Variants in LPIN3 observed in about 807,000 individuals in gnomAD.
The protein encoded by LPIN3 is lipin 3.
LPIN3 carries 82 observed loss-of-function variants against 94.7 expected under a neutral mutation model. The observed-to-expected ratio is 0.87, with a 90% confidence interval of 0.72 to 1.04. The LOEUF is 1.04. LPIN3 is among the 50% of genes least tolerant of loss of function. The probability of loss-of-function intolerance (pLI) is 0.00; values close to 1 mark genes in which losing one functional copy is unlikely to be tolerated. For missense variants in LPIN3, 996 were observed against 1,090.5 expected, an observed-to-expected ratio of 0.91 and a Z score of 1.22; for synonymous variants, 418 against 443.3, an observed-to-expected ratio of 0.94 and a Z score of 0.72.
At position 41,357,912 on chromosome 20, in the gene LPIN3, G is replaced by GCGGGC; in HGVS notation, c.2072_2076dup (p.Ile693GlyfsTer16). On this transcript the variant is annotated frameshift_variant, in exon 17 of 20. Coordinates refer to ENST00000373257, the MANE Select transcript of LPIN3 (RefSeq NM_022896.3). LOFTEE classifies it high-confidence loss of function. Reference sequence around the variant, plus strand: ...GGTACAAGTTCCTGTACTGCTCGGCGCGGGCCATTGGCATGGCGGACCTCA... The same window carrying GCGGGC: ...GGTACAAGTTCCTGTACTGCTCGGCGCGGGCCGGGCCATTGGCATGGCGGACCTCA... 1 of 1,614,128 alleles carries GCGGGC rather than the reference G, an allele frequency of 6.2e-7. No individual in the cohort carries two copies. Among genetic ancestry groups the GCGGGC allele is most frequent in the South Asian group, 1.1e-5 (1 of 91,088 alleles).
At chr20:41,358,581 C>T (rs372898101) in intron 19 of LPIN3, 39 bp downstream of exon 19, 667 of 1,608,508 alleles carry the variant, frequency 4.1e-4, no homozygotes, top group Non-Finnish European at 5.4e-4. Context: ...TGCCCTACCA[C>T]GTCCCCCTGC....
intron 3 of LPIN3, 41 bp downstream of exon 3, chr20:41,347,688 T>C (rs1265047043): frequency 2.6e-6 from 4 of 1,534,220 alleles, no homozygotes; most frequent in Non-Finnish European, 3.6e-6. Flanking sequence ...CGCCCACCCC[T>C]TTCCTGTGCC....
intron 1 of LPIN3, 100 bp downstream of exon 1, chr20:41,341,102 G>T (rs1052041636): frequency 4.6e-5 from 7 of 152,208 alleles, no homozygotes; most frequent in Non-Finnish European, 7.3e-5. Context: ...CCGCGGGCCT[G>T]GGTCCACCCC....
At chr20:41,350,832 T>C (rs1414420632) in intron 7 of LPIN3, among the ~76,000 whole-genome samples, 5 of 152,002 alleles carry the variant, frequency 3.3e-5, no homozygotes, top group Non-Finnish European at 7.4e-5. Context: ...GATAGGAAGT[T>C]GGGGAGATGA....
At position 41,348,766 on chromosome 20, in the gene LPIN3, C is replaced by T; in HGVS notation, c.436C>T (p.Arg146Cys). 7.4e-6 allele frequency: 12 copies of T among 1,612,926 alleles called. No individual in the cohort carries two copies. Among genetic ancestry groups the T allele is most frequent in the South Asian group, 1.1e-5 (1 of 90,860 alleles). ...TASTGRRKRR[R>C]RRKPKQKEDA... ...CTCCACTGGGCGGAGGAAGAGGCGTCGCAGGAGGAAACCCAAGCAGAAAGA... is the reference window on the plus strand; with the variant it reads ...CTCCACTGGGCGGAGGAAGAGGCGTTGCAGGAGGAAACCCAAGCAGAAAGA... Residue 146 changes from arginine to cysteine, a missense_variant, in exon 4 of 20, where the codon CGC becomes TGC. Physicochemically the swap from Arg to Cys is radical, Grantham distance 180. Transcript: ENST00000373257.
intron 1 of LPIN3, among the ~76,000 whole-genome samples, chr20:41,342,820 A>T (rs1358840714): frequency 2.6e-5 from 4 of 152,192 alleles, no homozygotes; most frequent in Admixed American, 2.6e-4. Flanking sequence ...CTCCCGTGAC[A>T]TTAGATCTGA....
intron 3 of LPIN3, 89 bp downstream of exon 3, chr20:41,347,736 G>A (rs190164453): frequency 6.7e-6 from 8 of 1,196,634 alleles, no homozygotes; most frequent in East Asian, 2.5e-5. Flanking sequence ...CACCATCCTC[G>A]CCCTTCCCCG....
At chr20:41,351,771 C>T in intron 7 of LPIN3, 50 bp from the exon 8 acceptor site, 1 of 1,558,942 alleles carries the variant, frequency 6.4e-7, no homozygotes, top group Non-Finnish European at 8.8e-7. Flanking sequence ...TTACTGTCCA[C>T]ACTGCTGAGC....
chr20:41,354,793 A>T, intron 12 of LPIN3, 27 bp from the exon 13 acceptor site: 1 of 1,612,496 alleles, frequency 6.2e-7, no homozygotes, highest in Non-Finnish European at 8.5e-7. Context: ...GGGAGGTGGG[A>T]TTCACTAATG....
At chr20:41,342,039 G>A (rs560052678) in intron 1 of LPIN3, among the ~76,000 whole-genome samples, 61 of 152,332 alleles carry the variant, frequency 4.0e-4, no homozygotes, top group Middle Eastern at 3.4e-3. Flanking sequence ...GTTCATCAGA[G>A]TATGACCTGC....
Position 41,349,140 on chromosome 20 carries a change from C to A in LPIN3, c.606C>A (p.Pro202=), listed in dbSNP as rs1418146523. The A allele has an allele frequency of 5.0e-6, 8 of 1,614,092 alleles. No individual in the cohort carries two copies. The African/African-American group carries it at 8.0e-5, about 16-fold the overall frequency. ...CACTGCAGCCCAAAGACATCTACCC[C>A]TACTCGGATGGCGAGTGGCCCCCCC... ...KSSLQPKDIY[P]YSDGEWPPQA... The change falls in exon 5 of 20, where the codon CCC becomes CCA. Residue 202 remains proline (P), a synonymous_variant. Coordinates refer to ENST00000373257, the MANE Select transcript of LPIN3 (RefSeq NM_022896.3).
chr20:41,348,666 T>A lies in LPIN3; in HGVS notation c.336T>A (p.Gly112=). ...GLCTSPIPWG[G]LSGFPSDSQL... Reference sequence around the variant, plus strand: ...GCACCTCACCCATCCCTTGGGGGGGTCTGTCTGGCTTCCCCTCGGACTCCC... The same window carrying A: ...GCACCTCACCCATCCCTTGGGGGGGACTGTCTGGCTTCCCCTCGGACTCCC... Residue 112 remains glycine, a synonymous_variant, in exon 4 of 20, where the codon GGT becomes GGA. Coordinates refer to ENST00000373257, the MANE Select transcript of LPIN3 (RefSeq NM_022896.3). 6.2e-7 allele frequency: 1 copy of A among 1,612,444 alleles called. No homozygotes were observed. The highest frequency in any genetic ancestry group is 8.5e-7 in the Non-Finnish European group (1 of 1,179,216).
At chr20:41,357,486 C>T in intron 16 of LPIN3, 39 bp downstream of exon 16, 1 of 1,550,596 alleles carries the variant, frequency 6.4e-7, no homozygotes. Flanking sequence ...AGGCGAGGCC[C>T]CCAGCTCTAG....
At chr20:41,345,112 A>G (rs1342908083) in intron 1 of LPIN3, among the ~76,000 whole-genome samples, 1 of 152,222 alleles carries the variant, frequency 6.6e-6, no homozygotes, top group Non-Finnish European at 1.5e-5. Context: ...AGATAGCAAG[A>G]CAGCTGAGCC....
At chr20:41,343,167 G>A (rs572784489) in intron 1 of LPIN3, among the ~76,000 whole-genome samples, 2 of 151,594 alleles carry the variant, frequency 1.3e-5, no homozygotes, top group South Asian at 4.2e-4. Context: ...TGGCCCCAAA[G>A]GACAGTAATG....
At chr20:41,341,298 C>T (rs544902199) in intron 1 of LPIN3, among the ~76,000 whole-genome samples, 27 of 152,350 alleles carry the variant, frequency 1.8e-4, no homozygotes, top group African/African-American at 6.3e-4. Context: ...AGGAGGACAG[C>T]CACTTTCTCT....
chr20:41,357,307 T>C (rs1263349018), intron 15 of LPIN3, 54 bp from the exon 16 acceptor site: 1 of 1,603,428 alleles, frequency 6.2e-7, no homozygotes, highest in African/African-American at 1.3e-5. Flanking sequence ...ATCCTGGGGC[T>C]GGAGCTGGGC....
rs764520436 is a variant in LPIN3 at position 41,347,667 on chromosome 20, A to G, written c.288+20A>G. The G allele has an allele frequency of 3.1e-6, 5 of 1,598,888 alleles. No homozygotes were observed. The East Asian group carries it at 1.1e-4, about 36-fold the overall frequency. ...GATGATGTGAGTCTGCCCTCCTAAC[A>G]GCACCTGCCCCGCCCACCCCTTTCC... On this transcript the variant is annotated intron_variant, in intron 3 of 19. Coordinates refer to ENST00000373257, the MANE Select transcript of LPIN3 (RefSeq NM_022896.3).
intron 1 of LPIN3, among the ~76,000 whole-genome samples, chr20:41,345,022 C>T (rs916637006): frequency 1.3e-5 from 2 of 152,220 alleles, no homozygotes; most frequent in Non-Finnish European, 2.9e-5. Flanking sequence ...GCCTTGAGTA[C>T]CTGGGGTGCT....
Sources: gnomAD v4.1 joint callset for allele counts (sites outside exome capture counted in the v4.1 genomes callset) on GRCh38, gnomAD v4.1.1 for gene constraint, MANE v1.5 for transcripts, NCBI Gene and HGNC (gene_info 2026-07-23, HGNC 2026-07-21) for gene names.